Variants in LOC128462377 observed in about 807,000 individuals in gnomAD.
chr16:89,394,728 C>T, the LOC128462377 span, among the ~76,000 whole-genome samples: 4 of 152,058 alleles, frequency 2.6e-5, no homozygotes, highest in African/African-American at 9.7e-5. Flanking sequence ...ATACAGGAGT[C>T]GTGTTTTATG....
At chr16:89,377,797 A>G in the LOC128462377 span, among the ~76,000 whole-genome samples, 1 of 152,116 alleles carries the variant, frequency 6.6e-6, no homozygotes, top group African/African-American at 2.4e-5. Flanking sequence ...TAGAGAAATG[A>G]CAAAGCACTT....
chr16:89,357,183 A>T, the LOC128462377 span, among the ~76,000 whole-genome samples: 1 of 152,182 alleles, frequency 6.6e-6, no homozygotes, highest in Non-Finnish European at 1.5e-5. Context: ...GCTACAACAC[A>T]CCTTCGAAGA....
At chr16:89,418,268 TG>T in the LOC128462377 span, 7 of 453,900 alleles carry the variant, frequency 1.5e-5, no homozygotes, top group East Asian at 4.2e-4. Context: ...TGATAGAGAA[TG>T]CAGTGAGTAT....
At chr16:89,381,196 G>A in the LOC128462377 span, among the ~76,000 whole-genome samples, 1 of 152,120 alleles carries the variant, frequency 6.6e-6, no homozygotes, top group Non-Finnish European at 1.5e-5. Context: ...GCTGGGCATG[G>A]TGGTGTGCAC....
At chr16:89,397,506 C>T in the LOC128462377 span, among the ~76,000 whole-genome samples, 1 of 152,220 alleles carries the variant, frequency 6.6e-6, no homozygotes, top group South Asian at 2.1e-4. Flanking sequence ...TGCTGCTATC[C>T]GCGCTCCTTT....
the LOC128462377 span, among the ~76,000 whole-genome samples, chr16:89,400,895 C>A: frequency 6.6e-6 from 1 of 152,136 alleles, no homozygotes; most frequent in Non-Finnish European, 1.5e-5. Context: ...CGCCTGTCGC[C>A]CTCCACCCTC....
At chr16:89,405,062 C>A in the LOC128462377 span, among the ~76,000 whole-genome samples, 1 of 152,110 alleles carries the variant, frequency 6.6e-6, no homozygotes, top group Non-Finnish European at 1.5e-5. Flanking sequence ...CACAGCCCGA[C>A]GCCCCGTCAC....
the LOC128462377 span, among the ~76,000 whole-genome samples, chr16:89,396,548 T>C: frequency 6.2e-4 from 95 of 152,318 alleles, no homozygotes; most frequent in South Asian, 2.1e-4. Flanking sequence ...ATTTTTTTTT[T>C]GTATACTTCA....
chr16:89,376,314 C>A, the LOC128462377 span, among the ~76,000 whole-genome samples: 1 of 152,164 alleles, frequency 6.6e-6, no homozygotes, highest in African/African-American at 2.4e-5. Context: ...AGTTTTAGAA[C>A]GTTTGGCTTT....
At chr16:89,376,474 G>C in the LOC128462377 span, among the ~76,000 whole-genome samples, 2 of 152,136 alleles carry the variant, frequency 1.3e-5, no homozygotes, top group Admixed American at 1.3e-4. Flanking sequence ...CTCTTGTTCC[G>C]TCACCCAGGC....
the LOC128462377 span, among the ~76,000 whole-genome samples, chr16:89,415,665 T>C: frequency 6.6e-6 from 1 of 150,442 alleles, no homozygotes; most frequent in Non-Finnish European, 1.5e-5. Flanking sequence ...CTATCTCTAC[T>C]AAAAACACAA....
chr16:89,337,007 C>CAAAAA, the LOC128462377 span, among the ~76,000 whole-genome samples: 632 of 47,708 alleles, frequency 0.013, 16 homozygotes, highest in Non-Finnish European at 0.018. Context: ...CTGGCTCTAC[C>CAAAAA]AAAAAAAAAA....
the LOC128462377 span, chr16:89,361,534 T>C: frequency 6.6e-6 from 1 of 152,264 alleles, no homozygotes; most frequent in East Asian, 1.9e-4. Flanking sequence ...TCTTTGGTTA[T>C]GATGCTACAG....
the LOC128462377 span, among the ~76,000 whole-genome samples, chr16:89,381,447 A>G: frequency 2.1e-3 from 326 of 152,208 alleles, 2 homozygotes; most frequent in Non-Finnish European, 3.5e-3. Context: ...GGGTTATTGT[A>G]TAAGGAGCAA....
At chr16:89,372,985 G>A in the LOC128462377 span, 5 of 152,296 alleles carry the variant, frequency 3.3e-5, no homozygotes, top group African/African-American at 1.2e-4. Context: ...CATACACCCC[G>A]AGGAAGGCAC....
chr16:89,395,317 G>A, the LOC128462377 span, among the ~76,000 whole-genome samples: 6 of 152,234 alleles, frequency 3.9e-5, no homozygotes, highest in Non-Finnish European at 8.8e-5. Flanking sequence ...GTAATCCTGG[G>A]AGCAGCGTCG....
chr16:89,334,157 A>AC, the LOC128462377 span, among the ~76,000 whole-genome samples: 5 of 139,448 alleles, frequency 3.6e-5, no homozygotes, highest in Non-Finnish European at 7.8e-5. Context: ...AAAAAAAAAA[A>AC]AAAAAAAAAA....
the LOC128462377 span, among the ~76,000 whole-genome samples, chr16:89,318,771 A>C: frequency 7.9e-5 from 12 of 152,212 alleles, no homozygotes; most frequent in Non-Finnish European, 1.8e-4. Flanking sequence ...CTGGTACAAG[A>C]ACACAGGTGA....
chr16:89,384,566 A>G, the LOC128462377 span, among the ~76,000 whole-genome samples: 1,256 of 145,990 alleles, frequency 8.6e-3, 7 homozygotes, highest in Non-Finnish European at 0.014. Flanking sequence ...GGAATGGGAC[A>G]GGATGGGACG....
Sources: allele counts gnomAD v4.1 joint callset (sites outside exome capture counted in the v4.1 genomes callset), GRCh38; gene constraint gnomAD v4.1.1; transcripts MANE v1.5.